Variants in LIN54 observed in about 807,000 individuals in gnomAD.
LIN54 encodes the protein protein lin-54 homolog.
Under a neutral mutation model 78.7 loss-of-function variants are expected in LIN54, and 9 were observed. That is an observed-to-expected ratio of 0.11 (90% CI 0.07 to 0.20). LIN54 has a LOEUF of 0.20. Among genes scored for constraint, LIN54 ranks in the 10% least tolerant of loss-of-function variants. The pLI is 1.00. For synonymous variants in LIN54, 269 were observed against 318.4 expected, an observed-to-expected ratio of 0.84 and a Z score of 1.65; for missense variants, 573 against 889.9, an observed-to-expected ratio of 0.64 and a Z score of 4.53.
intron 2 of LIN54, 96 bp downstream of exon 2, chr4:82,984,065 C>T (rs1389558348): frequency 1.7e-5 from 14 of 809,524 alleles, no homozygotes; most frequent in Non-Finnish European, 2.5e-5. Flanking sequence ...AATTCAGTAA[C>T]AACTATGTAT....
intron 4 of LIN54, among the ~76,000 whole-genome samples, chr4:82,951,657 G>A (rs1174565153): frequency 6.6e-6 from 1 of 152,134 alleles, no homozygotes; most frequent in African/African-American, 2.4e-5. Flanking sequence ...ATAATAATGT[G>A]GATTAGCTAC....
chr4:82,978,147 A>G (rs1726320425), intron 3 of LIN54, among the ~76,000 whole-genome samples: 1 of 152,206 alleles, frequency 6.6e-6, no homozygotes, highest in African/African-American at 2.4e-5. Flanking sequence ...AAACTAAAAG[A>G]ATAAAGAGAA....
chr4:82,984,901 C>A, intron 1 of LIN54, 25 bp from the exon 2 acceptor site: 1 of 1,465,946 alleles, frequency 6.8e-7, no homozygotes, highest in Non-Finnish European at 9.1e-7. Context: ...GAAAAATGAA[C>A]AAGTTACTAG....
In LIN54 at chr4:82,947,233, A is replaced by ATTTTTTTTT. The variant is rs1233101387; in HGVS notation, c.952-760_952-759insAAAAAAAAA. Among the ~76,000 whole-genome samples the ATTTTTTTTT allele has an allele frequency of 0.011, 188 of 16,842 alleles. 1 individual carries two copies. The East Asian group carries it at 0.12, about 11-fold the overall frequency. 11.0% of individuals were successfully genotyped at this position (16,842 alleles called of 152,430 possible). A position where few individuals can be genotyped will look rare whatever the true frequency, so the allele number is the denominator to read the frequency against. ...TATATATATATATATATATATATATATATTTTTTTTTTTTTTGAAGACAGG... is the reference window on the plus strand; with the variant it reads ...TATATATATATATATATATATATATATTTTTTTTTTATTTTTTTTTTTTTTGAAGACAGG... On this transcript the variant is annotated intron_variant, in intron 4 of 12. Coordinates refer to ENST00000340417, the MANE Select transcript of LIN54 (RefSeq NM_194282.4).
At chr4:82,986,077 C>T (rs1458785675) in intron 1 of LIN54, among the ~76,000 whole-genome samples, 2 of 152,136 alleles carry the variant, frequency 1.3e-5, no homozygotes, top group African/African-American at 4.8e-5. Context: ...GCCCAGAGAA[C>T]ATCAAAGATC....
chr4:82,974,694 A>C (rs1726010029), intron 3 of LIN54, among the ~76,000 whole-genome samples: 1 of 152,220 alleles, frequency 6.6e-6, no homozygotes, highest in Non-Finnish European at 1.5e-5. Flanking sequence ...CCACGATCGC[A>C]CCACTGCATT....
chr4:82,988,641 T>C (rs372627274), intron 1 of LIN54, among the ~76,000 whole-genome samples: 2 of 152,242 alleles, frequency 1.3e-5, no homozygotes, highest in South Asian at 4.1e-4. Flanking sequence ...CCAACTTAGC[T>C]GTACCATTTT....
intron 11 of LIN54, among the ~76,000 whole-genome samples, chr4:82,934,593 C>T (rs1270325198): frequency 6.6e-6 from 1 of 152,168 alleles, no homozygotes; most frequent in Non-Finnish European, 1.5e-5. Context: ...GAATGCAATA[C>T]ACAAAATCTT....
intron 12 of LIN54, 125 bp downstream of exon 12, chr4:82,930,816 GAT>G: frequency 1.3e-6 from 1 of 775,658 alleles, no homozygotes; most frequent in Non-Finnish European, 2.1e-6. Context: ...AGTAACTAAA[GAT>G]GGAAAGAAAA....
chr4:82,937,750 G>A (rs990032562), intron 8 of LIN54, among the ~76,000 whole-genome samples: 2 of 152,198 alleles, frequency 1.3e-5, no homozygotes, highest in South Asian at 4.1e-4. Flanking sequence ...GGGTAATTAA[G>A]CACGGCTTCT....
Position 82,978,903 on chromosome 4 carries a change from A to G in LIN54, c.788T>C (p.Val263Ala). 1 of 1,561,684 alleles carries G rather than the reference A, an allele frequency of 6.4e-7. No individual in the cohort carries two copies. ...SKAVTGQTTQ[V>A]SPPVIAGRVL... ...ATAACCTGCAATAACTGGTGGTGAA[A>G]CTTGAGTTGTCTGTCCTGTAACTGC... Residue 263 changes from valine (V) to alanine (A), a missense_variant, in exon 3 of 13, where the codon GTT becomes GCT. Physicochemically the swap from Val to Ala is moderately conservative, Grantham distance 64. Around this residue, in one of 6 missense-constraint regions of LIN54, gnomAD observed 199 missense variants for 260.9 expected, o/e 0.76. Transcript: ENST00000340417.
chr4:82,961,232 GA>G lies in LIN54; in HGVS notation c.951+9094del, dbSNP rs200447831. 7.2e-3 allele frequency among the ~76,000 whole-genome samples: 1,095 copies of G among 152,250 alleles called. 15 individuals carry two copies. Among genetic ancestry groups the G allele is most frequent in the Middle Eastern group, 0.01 (3 of 294 alleles). ...AAGATGATTAATAGATGGAAGTATGGATAGACATATATGATAATGCAACTAC... is the reference window on the plus strand; with the variant it reads ...AAGATGATTAATAGATGGAAGTATGGTAGACATATATGATAATGCAACTAC... On this transcript the variant is annotated intron_variant, in intron 4 of 12. Coordinates refer to ENST00000340417, the MANE Select transcript of LIN54 (RefSeq NM_194282.4).
At chr4:82,987,203 A>C in intron 1 of LIN54, among the ~76,000 whole-genome samples, 1 of 152,326 alleles carries the variant, frequency 6.6e-6, no homozygotes, top group East Asian at 1.9e-4. Context: ...AAGCACAATA[A>C]TCGCTTGAAG....
intron 4 of LIN54, among the ~76,000 whole-genome samples, chr4:82,968,286 A>G (rs532434365): frequency 8.8e-4 from 134 of 152,162 alleles, no homozygotes; most frequent in Admixed American, 1.6e-3. Flanking sequence ...GCTTGTTCTT[A>G]TAGTTAAGTG....
chr4:83,004,179 C>A (rs1198538082), intron 1 of LIN54, among the ~76,000 whole-genome samples: 1 of 151,768 alleles, frequency 6.6e-6, no homozygotes, highest in African/African-American at 2.4e-5. Context: ...GGACAGATTG[C>A]GAGGTCAGGA....
rs777880236 is a variant in LIN54, at chr4:82,984,699, T to C, written c.146A>G (p.Asn49Ser). The C allele has an allele frequency of 1.9e-6, 3 of 1,614,224 alleles. No individual in the cohort carries two copies. The highest frequency in any genetic ancestry group is 1.1e-5 in the South Asian group (1 of 91,088). ...TGTAGAGTCACCAGTAGAATTTATG[T>C]TGACAATTTCTTCCAGTTCTGTCTC... ...PMETELEEIVNINSTGDSTAT... is the reference protein window; with the variant it reads ...PMETELEEIVSINSTGDSTAT... The change falls in exon 2 of 13, where the codon AAC (asparagine) becomes AGC (serine). Residue 49 changes from asparagine (N) to serine (S), a missense_variant. Asn to Ser is a conservative substitution (Grantham distance 46). Transcript: ENST00000340417.
At chr4:82,967,085 G>A (rs1003885555) in intron 4 of LIN54, among the ~76,000 whole-genome samples, 1 of 152,026 alleles carries the variant, frequency 6.6e-6, no homozygotes, top group Admixed American at 6.5e-5. Context: ...AAAATTAGCT[G>A]GGTGGTGGCA....
rs942121888 is a variant in LIN54 at position 82,970,369 on chromosome 4, T to C, written c.909A>G (p.Thr303=). 6.8e-6 allele frequency: 11 copies of C among 1,612,532 alleles called. No homozygotes were observed. The highest frequency in any genetic ancestry group is 2.7e-5 in the African/African-American group (2 of 74,988). ...IGSTLNSTTQ[T]PNKIAISPLK... is the part of the protein sequence containing the mutation. ...AAGGTGAGATGGCTATTTTATTTGG[T>C]GTCTGTGTTGTAGAATTTAAAGTTG... The change falls in exon 4 of 13, where the codon ACA becomes ACG. Residue 303 remains threonine (T), a synonymous_variant. Transcript: ENST00000340417.
intron 2 of LIN54, among the ~76,000 whole-genome samples, chr4:82,983,133 G>C (rs564730022): frequency 4.0e-5 from 6 of 151,434 alleles, no homozygotes; most frequent in Non-Finnish European, 8.8e-5. Flanking sequence ...TCAGCCTCCT[G>C]AGTAGCTGGG....
Sources: allele counts gnomAD v4.1 joint callset (sites outside exome capture counted in the v4.1 genomes callset), GRCh38; gene constraint gnomAD v4.1.1; regional missense constraint gnomAD v4.1.1; transcripts MANE v1.5; gene names NCBI Gene and HGNC (gene_info 2026-07-23, HGNC 2026-07-21).